Variants in UBE2E1 observed in about 807,000 individuals in gnomAD.
UBE2E1 encodes the protein ubiquitin conjugating enzyme E2 E1.
In UBE2E1, 6 loss-of-function variants were observed where a neutral mutation model predicts 21.4. The observed-to-expected ratio is 0.28, with a 90% CI of 0.15 to 0.55. UBE2E1 has a LOEUF of 0.55. Among genes scored for constraint, UBE2E1 ranks in the 20% least tolerant of loss-of-function variants. UBE2E1 has a pLI of 0.93. For missense variants in UBE2E1, 142 were observed against 236.5 expected (o/e 0.60, Z 2.62); for synonymous variants, 87 against 82.7 (o/e 1.05, Z -0.28).
At chr3:23,871,128 T>C (rs551653954) in intron 3 of UBE2E1, among the ~76,000 whole-genome samples, 77 of 152,320 alleles carry the variant, frequency 5.1e-4, no homozygotes, top group African/African-American at 9.4e-4. Flanking sequence ...TTCCCCGCCT[T>C]TCCCCTCTTT....
intron 3 of UBE2E1, among the ~76,000 whole-genome samples, chr3:23,856,811 G>A (rs1700450687): frequency 6.6e-6 from 1 of 152,036 alleles, no homozygotes; most frequent in South Asian, 2.1e-4. Flanking sequence ...TTTCCAGAAG[G>A]CAGGGCTCAT....
intron 3 of UBE2E1, among the ~76,000 whole-genome samples, chr3:23,850,837 C>CTTTTTTTTTTTTTTTTTTT (rs71057628): frequency 7.8e-6 from 1 of 128,414 alleles, no homozygotes; most frequent in African/African-American, 2.9e-5. Flanking sequence ...CCACACCCAG[C>CTTTTTTTTTTTTTTTTTTT]TTTTTTTTTT....
At position 23,891,430 on chromosome 3, in the gene UBE2E1, ATTAG is replaced by A. The variant is rs961122880; in HGVS notation, c.*832_*835del. On this transcript the variant is annotated 3_prime_UTR_variant, in exon 6 of 6. Transcript: ENST00000306627. The stretch of plus-strand genomic sequence containing the variant: ...TAAAAATAATGCATATTTAGTAGGT[ATTAG>A]TTAGTTACCTATATTAGGATCTGTA... The A allele has an allele frequency of 5.3e-5, 8 of 152,232 alleles. No homozygotes were observed. The highest frequency in any genetic ancestry group is 1.0e-4 in the Non-Finnish European group (7 of 68,036). 9.4% of individuals were successfully genotyped at this position (152,232 alleles called of 1,614,324 possible). A position where few individuals can be genotyped will look rare whatever the true frequency, so the allele number is the denominator to read the frequency against.
chr3:23,810,672 G>T lies in UBE2E1; in HGVS notation c.153-788G>T. On this transcript the variant is annotated intron_variant, in intron 2 of 5. Transcript: ENST00000306627. The surrounding 1 kb of genome is among the most constrained non-coding windows in gnomAD (Gnocchi z 5.8). ...GTGTTCGCGCCCTGCTTTCGCGCGC[G>T]GTCTCGGGCCAAGGTTCTGGGCGCC... The T allele has an allele frequency of 1.3e-6, 1 of 753,766 alleles. No individual in the cohort carries two copies. The highest frequency in any genetic ancestry group is 2.0e-6 in the Non-Finnish European group (1 of 498,058). 46.7% of individuals were successfully genotyped at this position (753,766 alleles called of 1,614,324 possible).
chr3:23,841,173 T>A (rs1441096427), intron 3 of UBE2E1, among the ~76,000 whole-genome samples: 1 of 152,096 alleles, frequency 6.6e-6, no homozygotes, highest in East Asian at 1.9e-4. Context: ...ATATAAAGAG[T>A]TATTGGATTC....
rs755923175 is a variant in UBE2E1 at position 23,887,890 on chromosome 3, T to C, written c.336+191T>C. On this transcript the variant is annotated intron_variant, in intron 4 of 5. Transcript: ENST00000306627. The surrounding 1 kb of genome is among the most constrained non-coding windows in gnomAD (Gnocchi z 4.4). ...TTATCTGGCAGAGACCATTCTAGGA[T>C]TAAGTGCTTTGTTTTGATGGTGCTT... The C allele has an allele frequency of 1.4e-5, 10 of 700,716 alleles. No homozygotes were observed. Among genetic ancestry groups the C allele is most frequent in the Non-Finnish European group, 2.0e-5 (9 of 444,032 alleles). The allele number at this position is 700,716 out of a possible 1,614,324, so 43.4% of individuals were successfully genotyped here. A position where few individuals can be genotyped will look rare whatever the true frequency, so the allele number is the denominator to read the frequency against.
At chr3:23,818,397 TA>T (rs1270847206) in intron 3 of UBE2E1, among the ~76,000 whole-genome samples, 1 of 152,194 alleles carries the variant, frequency 6.6e-6, no homozygotes, top group African/African-American at 2.4e-5. Context: ...ACAAATTAAA[TA>T]GATTATAAAC....
intron 2 of UBE2E1, among the ~76,000 whole-genome samples, chr3:23,809,487 A>T (rs201639972): frequency 1.3e-5 from 2 of 152,236 alleles, no homozygotes; most frequent in Admixed American, 1.3e-4. Flanking sequence ...CCGTGGGTAG[A>T]GGAAAGCCCC....
rs1020226881 is a variant in UBE2E1 at position 23,870,077 on chromosome 3, GTTT to G, written c.204-17488_204-17486del. Among the ~76,000 whole-genome samples the G allele has an allele frequency of 1.3e-5, 2 of 152,114 alleles. No homozygotes were observed. The highest frequency in any genetic ancestry group is 4.8e-5 in the African/African-American group (2 of 41,394). On this transcript the variant is annotated intron_variant, in intron 3 of 5. Coordinates refer to ENST00000306627, the MANE Select transcript of UBE2E1 (RefSeq NM_003341.5). This position sits in a 1 kb window ranked among gnomAD's most constrained non-coding sequence, Gnocchi z 4.2. Reference sequence around the variant, plus strand: ...AGCCTTCCTCACTTTTACATGTCTGGTTTTCCACCTGGGCTGGGAAGGCCCACA... The same window carrying G: ...AGCCTTCCTCACTTTTACATGTCTGGTCCACCTGGGCTGGGAAGGCCCACA...
intron 3 of UBE2E1, among the ~76,000 whole-genome samples, chr3:23,844,529 A>G (rs1700157528): frequency 6.6e-6 from 1 of 152,100 alleles, no homozygotes; most frequent in Non-Finnish European, 1.5e-5. Context: ...CTGGTCCGTA[A>G]TCTTTTTTGG....
chr3:23,869,431 G>GTGTGT (rs1700732319), intron 3 of UBE2E1, among the ~76,000 whole-genome samples: 1 of 144,692 alleles, frequency 6.9e-6, no homozygotes. Context: ...GTGTGTGTGT[G>GTGTGT]TGTGTGTGTG....
Position 23,810,655 on chromosome 3 carries a change from G to A in UBE2E1, c.153-805G>A. On this transcript the variant is annotated intron_variant, in intron 2 of 5. Coordinates refer to ENST00000306627, the MANE Select transcript of UBE2E1 (RefSeq NM_003341.5). The surrounding 1 kb of genome is among the most constrained non-coding windows in gnomAD (Gnocchi z 5.8). ...CCGAGTGGCGGGCGGGGGTGTTCGCGCCCTGCTTTCGCGCGCGGTCTCGGG... is the reference window on the plus strand; with the variant it reads ...CCGAGTGGCGGGCGGGGGTGTTCGCACCCTGCTTTCGCGCGCGGTCTCGGG... 2 of 905,676 alleles carry A rather than the reference G, an allele frequency of 2.2e-6. No individual in the cohort carries two copies. The highest frequency in any genetic ancestry group is 1.6e-6 in the Non-Finnish European group (1 of 633,680). 56.1% of individuals were successfully genotyped at this position (905,676 alleles called of 1,614,324 possible).
chr3:23,889,899 AAT>A (rs568620691), intron 5 of UBE2E1: 19 of 181,332 alleles, frequency 1.0e-4, no homozygotes, highest in Non-Finnish European at 2.0e-4. Context: ...TGTCTCAAAA[AAT>A]ATATATATAT....
rs1700117129 is a variant in UBE2E1 at position 23,842,448 on chromosome 3, TG to T, written c.203+30939del. Among the ~76,000 whole-genome samples the T allele has an allele frequency of 6.6e-6, 1 of 152,158 alleles. No homozygotes were observed. Among genetic ancestry groups the T allele is most frequent in the African/African-American group, 2.4e-5 (1 of 41,428 alleles). ...TTTTTGTGGAGACGGAGTCGTGCCA[TG>T]TTGCCCGGCCTGTTGTTCGTTTTTC... is the stretch of plus-strand genomic sequence containing the variant. On this transcript the variant is annotated intron_variant, in intron 3 of 5. Transcript: ENST00000306627. The surrounding 1 kb of genome is among the most constrained non-coding windows in gnomAD (Gnocchi z 4.6).
At chr3:23,860,014 G>A (rs1249737302) in intron 3 of UBE2E1, among the ~76,000 whole-genome samples, 1 of 152,132 alleles carries the variant, frequency 6.6e-6, no homozygotes, top group South Asian at 2.1e-4. Context: ...TCAGAACCAC[G>A]TCCTGTGTGC....
chr3:23,881,512 T>C (rs1701040389), intron 3 of UBE2E1, among the ~76,000 whole-genome samples: 1 of 152,186 alleles, frequency 6.6e-6, no homozygotes, highest in Non-Finnish European at 1.5e-5. Flanking sequence ...TAAGTGGGTT[T>C]TTTTAAAAAG....
At position 23,810,113 on chromosome 3, in the gene UBE2E1, A is replaced by G. The variant is rs547299488; in HGVS notation, c.153-1347A>G. Among the ~76,000 whole-genome samples the G allele has an allele frequency of 3.3e-5, 5 of 152,296 alleles. No homozygotes were observed. The highest frequency in any genetic ancestry group is 7.4e-5 in the Non-Finnish European group (5 of 68,020). On this transcript the variant is annotated intron_variant, in intron 2 of 5. Transcript: ENST00000306627. This position sits in a 1 kb window ranked among gnomAD's most constrained non-coding sequence, Gnocchi z 5.8. ...AGAAAACCTTTGGAAAGGAAAACGT[A>G]TCCTTTGTGAATTAGATTGCTCTGT...
chr3:23,831,991 C>T (rs1383388916), intron 3 of UBE2E1, among the ~76,000 whole-genome samples: 1 of 152,200 alleles, frequency 6.6e-6, no homozygotes, highest in Non-Finnish European at 1.5e-5. Context: ...CAGACATGAG[C>T]TACCATGCCC....
intron 3 of UBE2E1, among the ~76,000 whole-genome samples, chr3:23,838,309 C>G (rs1428162957): frequency 2.0e-5 from 3 of 152,076 alleles, no homozygotes; most frequent in African/African-American, 7.2e-5. Flanking sequence ...TCAAGTGATC[C>G]TCCCTCCTAG....
Sources: allele counts gnomAD v4.1 joint callset (sites outside exome capture counted in the v4.1 genomes callset), GRCh38; gene constraint gnomAD v4.1.1; non-coding constraint Gnocchi (gnomAD v3.1); transcripts MANE v1.5; gene names NCBI Gene and HGNC (gene_info 2026-07-23, HGNC 2026-07-21).